The following LIMK2 variants were observed in gnomAD, a reference collection of about 807,000 sequenced individuals.
LIMK2 encodes the protein LIM domain kinase 2.
In LIMK2, 35 loss-of-function variants were observed where a neutral mutation model predicts 75.7. The ratio of observed to expected loss-of-function variants is 0.46; its 90% confidence interval spans 0.35 to 0.61. LIMK2 has a LOEUF of 0.61. Ranked by LOEUF, LIMK2 falls within the 20% of genes least tolerant of loss-of-function variation. The pLI is 0.00. For synonymous variants in LIMK2, 301 were observed against 319.2 expected (o/e 0.94, Z 0.61); for missense variants, 623 against 831.0 (o/e 0.75, Z 3.08).
chr22:31,227,835 T>A (rs1433040755), intron 2 of LIMK2, among the ~76,000 whole-genome samples: 1 of 152,208 alleles, frequency 6.6e-6, no homozygotes, highest in African/African-American at 2.4e-5. Flanking sequence ...TGGATTCTCT[T>A]AGAGCTAAAA....
chr22:31,250,646 T>C (rs1052548567), intron 2 of LIMK2, among the ~76,000 whole-genome samples: 1 of 152,236 alleles, frequency 6.6e-6, no homozygotes, highest in Non-Finnish European at 1.5e-5. Flanking sequence ...CACAGGGCTC[T>C]TTCCCCCCAG....
chr22:31,258,209 G>A, intron 2 of LIMK2, 82 bp from the exon 3 acceptor site: 1 of 1,429,960 alleles, frequency 7.0e-7, no homozygotes, highest in East Asian at 2.3e-5. Flanking sequence ...CCATTTTGTT[G>A]TCATACCTAG....
At position 31,262,979 on chromosome 22, in the gene LIMK2, G is replaced by T. The variant is rs1417054120; in HGVS notation, c.854+188G>T. On this transcript the variant is annotated intron_variant, in intron 7 of 15. Coordinates refer to ENST00000331728, the MANE Select transcript of LIMK2 (RefSeq NM_005569.4). The surrounding 1 kb of genome is among the most constrained non-coding windows in gnomAD (Gnocchi z 5.0). ...AGCCAGAGCCTGTGCGGACCCAGCT[G>T]TCTGCCAGGTTTCCTTAGAAACCTG... Among the ~76,000 whole-genome samples the T allele has an allele frequency of 6.6e-6, 1 of 152,202 alleles. No homozygotes were observed. The highest frequency in any genetic ancestry group is 1.5e-5 in the Non-Finnish European group (1 of 68,040).
chr22:31,238,563 C>T (rs1213951734), intron 2 of LIMK2, among the ~76,000 whole-genome samples: 1 of 152,104 alleles, frequency 6.6e-6, no homozygotes, highest in Non-Finnish European at 1.5e-5. Flanking sequence ...CCTGAAAGGC[C>T]AAAAGCTAGG....
chr22:31,216,288 G>T (rs1265341520), intron 1 of LIMK2, among the ~76,000 whole-genome samples: 2 of 152,164 alleles, frequency 1.3e-5, no homozygotes, highest in East Asian at 3.8e-4. Flanking sequence ...TTGGGAGTAG[G>T]AGACAAAAGT....
chr22:31,262,156 C>T lies in LIMK2; in HGVS notation c.574C>T (p.Pro192Ser). Reference sequence around the variant, plus strand: ...CAGGGTCAACCGGATGCACATCAGTCCCAACAATCGAAACGCCATCCACCC... The same window carrying T: ...CAGGGTCAACCGGATGCACATCAGTTCCAACAATCGAAACGCCATCCACCC... ...VKEVNRMHIS[P>S]NNRNAIHPGD... Residue 192 changes from proline to serine, a missense_variant, in exon 6 of 16, where the codon CCC becomes TCC. Physicochemically the swap from Pro to Ser is moderately conservative, Grantham distance 74. Around this residue, in one of 3 missense-constraint regions of LIMK2, gnomAD observed 514 missense variants for 661.3 expected, o/e 0.78. Transcript: ENST00000331728. This position sits in a 1 kb window ranked among gnomAD's most constrained non-coding sequence, Gnocchi z 5.0. 6.2e-7 allele frequency: 1 copy of T among 1,614,168 alleles called. No homozygotes were observed. The highest frequency in any genetic ancestry group is 8.5e-7 in the Non-Finnish European group (1 of 1,179,990).
In LIMK2 at chr22:31,267,801, A is replaced by G; in HGVS notation, c.1154A>G (p.His385Arg). The G allele has an allele frequency of 6.2e-7, 1 of 1,609,268 alleles. No homozygotes were observed. The highest frequency in any genetic ancestry group is 8.5e-7 in the Non-Finnish European group (1 of 1,178,302). Residue 385 changes from histidine (H) to arginine (R), a missense_variant, in exon 10 of 16, where the codon CAC (histidine) becomes CGC (arginine). Transcript: ENST00000331728. Reference sequence around the variant, plus strand: ...GTGAAAGTGATGCGCAGCCTGGACCACCCCAATGTGCTCAAGTTCATTGGT... The same window carrying G: ...GTGAAAGTGATGCGCAGCCTGGACCGCCCCAATGTGCTCAAGTTCATTGGT... ...TEVKVMRSLD[H>R]PNVLKFIGVL...
At chr22:31,251,552 C>A (rs901574078) in intron 2 of LIMK2, among the ~76,000 whole-genome samples, 4 of 152,196 alleles carry the variant, frequency 2.6e-5, no homozygotes, top group African/African-American at 9.7e-5. Flanking sequence ...TACAACTACA[C>A]AAAATACTTG....
chr22:31,238,961 T>G (rs1373377420), intron 2 of LIMK2, among the ~76,000 whole-genome samples: 1 of 152,250 alleles, frequency 6.6e-6, no homozygotes, highest in East Asian at 1.9e-4. Context: ...AGACATTCAA[T>G]TTTCTAATTA....
chr22:31,278,695 C>A lies in LIMK2; in HGVS notation c.*254C>A, dbSNP rs56007064. ...CTGAAAGCTGTGAAGAAGAAAAAAACCCCTGGCCTTTGGGCCAGGAGGAAT... is the reference window on the plus strand; with the variant it reads ...CTGAAAGCTGTGAAGAAGAAAAAAAACCCTGGCCTTTGGGCCAGGAGGAAT... On this transcript the variant is annotated 3_prime_UTR_variant, in exon 16 of 16. Transcript: ENST00000331728. 4.1e-3 allele frequency: 1,383 copies of A among 338,512 alleles called. 4 individuals are homozygous for A. Among genetic ancestry groups the A allele is most frequent in the Middle Eastern group, 0.016 (20 of 1,266 alleles). 21.0% of individuals were successfully genotyped at this position (338,512 alleles called of 1,614,324 possible).
At chr22:31,218,211 T>C (rs528273814) in intron 1 of LIMK2, among the ~76,000 whole-genome samples, 2 of 152,336 alleles carry the variant, frequency 1.3e-5, no homozygotes, top group East Asian at 3.9e-4. Context: ...TATCCTCTTT[T>C]TAAAGATTAG....
At chr22:31,240,336 G>C (rs1181406725) in intron 2 of LIMK2, among the ~76,000 whole-genome samples, 1 of 152,036 alleles carries the variant, frequency 6.6e-6, no homozygotes, top group Non-Finnish European at 1.5e-5. Context: ...TTCTGAAGTT[G>C]GCTAATGTCA....
rs916095981 is a variant in LIMK2, at chr22:31,248,268, G to A, written c.117-10023G>A. On this transcript the variant is annotated intron_variant, in intron 2 of 15. Coordinates refer to ENST00000331728, the MANE Select transcript of LIMK2 (RefSeq NM_005569.4). ...TGCCTGCAAGGTCTGTTTCCTAACAGCTGCTCCAACCACACACCTCGGTTC... is the reference window on the plus strand; with the variant it reads ...TGCCTGCAAGGTCTGTTTCCTAACAACTGCTCCAACCACACACCTCGGTTC... The A allele has an allele frequency of 1.9e-5, 20 of 1,047,562 alleles. No individual in the cohort carries two copies. The African/African-American group carries it at 3.2e-4, about 17-fold the overall frequency. The allele number at this position is 1,047,562 out of a possible 1,614,324, so 64.9% of individuals were successfully genotyped here.
chr22:31,212,333 G>C lies in LIMK2; in HGVS notation c.-76G>C, dbSNP rs1188959102. On this transcript the variant is annotated 5_prime_UTR_variant, in exon 1 of 16. Coordinates refer to ENST00000331728, the MANE Select transcript of LIMK2 (RefSeq NM_005569.4). ...GCCTGAGGCGGCGGCGGCAGGAGCT[G>C]AGGGGAGTTGTAGGGAACTGAGGGG... The C allele has an allele frequency of 1.3e-5, 17 of 1,302,190 alleles. No homozygotes were observed. The East Asian group carries it at 4.2e-4, about 32-fold the overall frequency. The allele number at this position is 1,302,190 out of a possible 1,614,324, so 80.7% of individuals were successfully genotyped here. A position where few individuals can be genotyped will look rare whatever the true frequency, so the allele number is the denominator to read the frequency against.
Position 31,262,080 on chromosome 22 carries a change from G to A in LIMK2, c.552-54G>A. ...AACCTTCCCTGCACAAGCAGAATTG[G>A]TCAAGCAGGTTTTTAGGACATCTTT... On this transcript the variant is annotated intron_variant, in intron 5 of 15. Transcript: ENST00000331728. This position sits in a 1 kb window ranked among gnomAD's most constrained non-coding sequence, Gnocchi z 5.0. The A allele has an allele frequency of 6.9e-7, 1 of 1,449,396 alleles. No homozygotes were observed. Among genetic ancestry groups the A allele is most frequent in the Non-Finnish European group, 9.7e-7 (1 of 1,030,212 alleles). 89.8% of individuals were successfully genotyped at this position (1,449,396 alleles called of 1,614,324 possible).
At chr22:31,238,696 T>C (rs2048600550) in intron 2 of LIMK2, among the ~76,000 whole-genome samples, 1 of 152,152 alleles carries the variant, frequency 6.6e-6, no homozygotes, top group South Asian at 2.1e-4. Context: ...TGACCTGTAA[T>C]GGGTATGGAA....
chr22:31,267,043 G>T lies in LIMK2; in HGVS notation c.1101G>T (p.Glu367Asp). Residue 367 changes from glutamate to aspartate, a missense_variant, in exon 9 of 16, where the codon GAG becomes GAT. This residue lies in a region of LIMK2 where 514 missense variants were observed against 661.3 expected (regional missense o/e 0.78). Coordinates refer to ENST00000331728, the MANE Select transcript of LIMK2 (RefSeq NM_005569.4). ...TGAAAGAGTTAATTCGATGTGATGA[G>T]GAGACCCAGAAAACTTTTCTGACTG... ...MVMKELIRCD[E>D]ETQKTFLTEV... 1 of 1,608,916 alleles carries T rather than the reference G, an allele frequency of 6.2e-7. No individual in the cohort carries two copies. The highest frequency in any genetic ancestry group is 1.1e-5 in the South Asian group (1 of 90,146).
Position 31,258,398 on chromosome 22 carries a change from G to T in LIMK2, c.224G>T (p.Cys75Phe). Residue 75 changes from cysteine (C) to phenylalanine (F), a missense_variant, in exon 3 of 16, where the codon TGC becomes TTC. Physicochemically the swap from Cys to Phe is radical, Grantham distance 205 (BLOSUM62 -2). This residue lies in a region of LIMK2 where 514 missense variants were observed against 661.3 expected (regional missense o/e 0.78). Coordinates refer to ENST00000331728, the MANE Select transcript of LIMK2 (RefSeq NM_005569.4). ...WGKFGEFCHG[C>F]SLLMTGPFMV... is the part of the protein sequence containing the mutation. Reference sequence around the variant, plus strand: ...AAGTTTGGGGAGTTCTGTCATGGGTGCTCCCTGCTGATGACAGGGCCTTTT... The same window carrying T: ...AAGTTTGGGGAGTTCTGTCATGGGTTCTCCCTGCTGATGACAGGGCCTTTT... 1 of 1,614,056 alleles carries T rather than the reference G, an allele frequency of 6.2e-7. No homozygotes were observed. The highest frequency in any genetic ancestry group is 8.5e-7 in the Non-Finnish European group (1 of 1,179,934).
At chr22:31,234,150 T>C (rs926172789) in intron 2 of LIMK2, among the ~76,000 whole-genome samples, 2 of 151,788 alleles carry the variant, frequency 1.3e-5, no homozygotes, top group African/African-American at 2.4e-5. Flanking sequence ...GTAGCTGGGA[T>C]TAAGGCACCG....
Sources: allele counts gnomAD v4.1 joint callset (sites outside exome capture counted in the v4.1 genomes callset), GRCh38; gene constraint gnomAD v4.1.1; regional missense constraint gnomAD v4.1.1; non-coding constraint Gnocchi (gnomAD v3.1); transcripts MANE v1.5; gene names NCBI Gene and HGNC (gene_info 2026-07-23, HGNC 2026-07-21).